The following TAF1B variants were observed in gnomAD, a reference collection of about 807,000 sequenced individuals.
TAF1B encodes the protein TATA-box binding protein associated factor, RNA polymerase I subunit B, also known as TATA box-binding protein-associated factor RNA polymerase I subunit B.
Under a neutral mutation model 83.9 loss-of-function variants are expected in TAF1B, and 61 were observed. That is an observed-to-expected ratio of 0.73 (90% CI 0.59 to 0.90). The LOEUF (loss-of-function observed/expected upper bound fraction) is 0.90, where lower values mean the gene tolerates loss of function less well. Among genes scored for constraint, TAF1B ranks in the 40% least tolerant of loss-of-function variants. The pLI is 0.00. For missense variants in TAF1B, 625 were observed against 677.0 expected (o/e 0.92, Z 0.85); for synonymous variants, 221 against 224.6 (o/e 0.98, Z 0.14).
intron 8 of TAF1B, among the ~76,000 whole-genome samples, chr2:9,884,393 A>G (rs544793836): frequency 6.6e-6 from 1 of 152,308 alleles, no homozygotes; most frequent in Admixed American, 6.5e-5. Flanking sequence ...TGTTTGTGTT[A>G]CAACTGTTTT....
chr2:9,888,909 T>TTCTC (rs1397849324), intron 8 of TAF1B, among the ~76,000 whole-genome samples: 1 of 150,416 alleles, frequency 6.6e-6, no homozygotes, highest in African/African-American at 2.5e-5. Flanking sequence ...GTTCAAGCGA[T>TTCTC]TCTCTTGCCT....
intron 11 of TAF1B, among the ~76,000 whole-genome samples, chr2:9,912,782 A>G (rs1006029675): frequency 9.9e-5 from 15 of 152,196 alleles, no homozygotes; most frequent in African/African-American, 3.6e-4. Flanking sequence ...CGTGAGTTCT[A>G]TTGATTACTA....
At chr2:9,864,578 A>G (rs1471435856) in intron 5 of TAF1B, among the ~76,000 whole-genome samples, 3 of 152,208 alleles carry the variant, frequency 2.0e-5, no homozygotes, top group Non-Finnish European at 2.9e-5. Flanking sequence ...AATCCTCCCT[A>G]GCTCATTTTA....
At chr2:9,910,317 C>G (rs1179918168) in intron 9 of TAF1B, among the ~76,000 whole-genome samples, 1 of 152,154 alleles carries the variant, frequency 6.6e-6, no homozygotes, top group East Asian at 1.9e-4. Flanking sequence ...AGCAATATAT[C>G]TAGTTAAACA....
chr2:9,850,765 G>A (rs1485440372), intron 3 of TAF1B, among the ~76,000 whole-genome samples: 4 of 152,186 alleles, frequency 2.6e-5, no homozygotes, highest in Admixed American at 2.6e-4. Context: ...TCAGCTCGTA[G>A]TTGTCATTAA....
chr2:9,886,223 C>G (rs442597), intron 8 of TAF1B, among the ~76,000 whole-genome samples: 76,474 of 151,212 alleles, frequency 0.51, 22,645 homozygotes, highest in Non-Finnish European at 0.67. Context: ...AAAAAAAAGA[C>G]ATACCATTTT....
intron 14 of TAF1B, among the ~76,000 whole-genome samples, chr2:9,920,157 T>C (rs1283204131): frequency 6.6e-6 from 1 of 152,234 alleles, no homozygotes; most frequent in Non-Finnish European, 1.5e-5. Context: ...TTTCTACCTC[T>C]TAATACTTCC....
chr2:9,932,544 C>A (rs1322206542), intron 14 of TAF1B, among the ~76,000 whole-genome samples: 1 of 152,192 alleles, frequency 6.6e-6, no homozygotes, highest in Non-Finnish European at 1.5e-5. Flanking sequence ...CCTCTGGAAG[C>A]TTTGTCCCAG....
intron 8 of TAF1B, among the ~76,000 whole-genome samples, chr2:9,892,752 G>A (rs1221410691): frequency 7.3e-6 from 1 of 137,416 alleles, no homozygotes; most frequent in Admixed American, 7.4e-5. Context: ...TCAACATATT[G>A]ATTTTGATTT....
intron 4 of TAF1B, among the ~76,000 whole-genome samples, chr2:9,852,983 A>C (rs181230639): frequency 4.6e-5 from 7 of 152,380 alleles, no homozygotes; most frequent in Non-Finnish European, 8.8e-5. Context: ...TTAAGAATTA[A>C]AAATTCAGAA....
chr2:9,847,635 A>G (rs930807197), intron 2 of TAF1B, among the ~76,000 whole-genome samples: 3 of 145,466 alleles, frequency 2.1e-5, no homozygotes, highest in Admixed American at 6.8e-5. Context: ...ATCCTAGTAT[A>G]TTTTATCCAG....
At chr2:9,920,015 C>T (rs932365805) in intron 14 of TAF1B, among the ~76,000 whole-genome samples, 195 bp downstream of exon 14, 2 of 152,188 alleles carry the variant, frequency 1.3e-5, no homozygotes, top group Non-Finnish European at 2.9e-5. Flanking sequence ...TTAGCACAAA[C>T]TATCCCCTCT....
chr2:9,866,320 C>T (rs1260980887), intron 5 of TAF1B, among the ~76,000 whole-genome samples: 1 of 152,164 alleles, frequency 6.6e-6, no homozygotes, highest in Non-Finnish European at 1.5e-5. Context: ...ATGCAGCCCA[C>T]AAACACATGA....
At chr2:9,909,169 G>C (rs548278540) in intron 9 of TAF1B, among the ~76,000 whole-genome samples, 1 of 152,240 alleles carries the variant, frequency 6.6e-6, no homozygotes, top group East Asian at 1.9e-4. Flanking sequence ...TATCATAAAC[G>C]TGTAATTAGT....
At chr2:9,851,103 G>A (rs1387601011) in intron 3 of TAF1B, among the ~76,000 whole-genome samples, 1 of 152,194 alleles carries the variant, frequency 6.6e-6, no homozygotes, top group Non-Finnish European at 1.5e-5. Flanking sequence ...TGGAAGCAGT[G>A]ACTTAGTCCT....
intron 10 of TAF1B, 122 bp downstream of exon 10, chr2:9,911,035 A>G (rs1665517512): frequency 1.3e-6 from 1 of 772,826 alleles, no homozygotes; most frequent in African/African-American, 1.7e-5. Flanking sequence ...TTTGTACTGT[A>G]TTTACCTAAT....
chr2:9,864,944 A>G (rs1663918763), intron 5 of TAF1B, among the ~76,000 whole-genome samples: 1 of 152,236 alleles, frequency 6.6e-6, no homozygotes, highest in South Asian at 2.1e-4. Context: ...ACATCTCAAA[A>G]TAATAAGAGC....
At chr2:9,873,217 C>T (rs1664221540) in intron 6 of TAF1B, among the ~76,000 whole-genome samples, 1 of 152,156 alleles carries the variant, frequency 6.6e-6, no homozygotes, top group African/African-American at 2.4e-5. Context: ...TGTCCGCCTT[C>T]AGGGTGTTTA....
At chr2:9,931,743 G>T (rs1181791792) in intron 14 of TAF1B, among the ~76,000 whole-genome samples, 1 of 152,176 alleles carries the variant, frequency 6.6e-6, no homozygotes, top group Non-Finnish European at 1.5e-5. Flanking sequence ...AGTTCTCCTG[G>T]ATAATATCCT....
Sources: allele counts gnomAD v4.1 joint callset (sites outside exome capture counted in the v4.1 genomes callset), GRCh38; gene constraint gnomAD v4.1.1; transcripts MANE v1.5; gene names NCBI Gene and HGNC (gene_info 2026-07-23, HGNC 2026-07-21).